MBNL2: variants seen among roughly 807,000 people sequenced by gnomAD.
MBNL2 encodes the protein muscleblind-like protein 2.
A neutral mutation model predicts 41.9 loss-of-function variants in MBNL2; 17 were observed. The observed-to-expected ratio is 0.41, with a 90% confidence interval of 0.28 to 0.61. The LOEUF is 0.61. Ranked by LOEUF, MBNL2 falls within the 20% of genes least tolerant of loss-of-function variation. The pLI, the probability that MBNL2 is intolerant of heterozygous loss-of-function variation, is 0.35. For synonymous variants in MBNL2, 195 were observed against 182.9 expected (o/e 1.07, Z -0.53); for missense variants, 336 against 505.6 (o/e 0.66, Z 3.22).
chr13:97,370,709 G>A (rs1331893289), intron 8 of MBNL2, among the ~76,000 whole-genome samples: 2 of 151,546 alleles, frequency 1.3e-5, no homozygotes, highest in Admixed American at 1.3e-4. Context: ...ACCATATAAT[G>A]GACCTTATTA....
At chr13:97,320,399 G>T (rs2059403437) in intron 2 of MBNL2, among the ~76,000 whole-genome samples, 1 of 151,872 alleles carries the variant, frequency 6.6e-6, no homozygotes, top group African/African-American at 2.4e-5. Context: ...TGGGACTACA[G>T]GTGTGTGTCA....
chr13:97,276,344 G>T lies in MBNL2; in HGVS notation c.109G>T (p.Ala37Ser). 6.2e-7 allele frequency: 1 copy of T among 1,614,004 alleles called. No homozygotes were observed. The highest frequency in any genetic ancestry group is 8.5e-7 in the Non-Finnish European group (1 of 1,179,912). Reference protein sequence around the residue: ...CSRSDEECKFAHPPKSCQVEN... With the variant: ...CSRSDEECKFSHPPKSCQVEN... The stretch of plus-strand genomic sequence containing the variant: ...ACGCTCTGATGAAGAATGCAAATTT[G>T]CTCATCCCCCCAAAAGTTGTCAGGT... The change falls in exon 2 of 9, where the codon GCT becomes TCT. Residue 37 changes from alanine (A) to serine (S), a missense_variant. Ala to Ser is a moderately conservative substitution (Grantham distance 99). Transcript: ENST00000679496.
At chr13:97,253,472 C>T (rs1223294244) in intron 1 of MBNL2, among the ~76,000 whole-genome samples, 2 of 152,096 alleles carry the variant, frequency 1.3e-5, no homozygotes, top group East Asian at 3.9e-4. Flanking sequence ...ATTATACGCT[C>T]CTGAGTTAAA....
chr13:97,167,403 GA>G, the MBNL2 span, among the ~76,000 whole-genome samples: 2 of 143,848 alleles, frequency 1.4e-5, no homozygotes, highest in African/African-American at 2.6e-5. Flanking sequence ...AAAAAAAAAA[GA>G]AAAAAAGTGT....
chr13:97,368,243 C>T (rs2064025910), intron 8 of MBNL2, among the ~76,000 whole-genome samples: 1 of 151,934 alleles, frequency 6.6e-6, no homozygotes, highest in Non-Finnish European at 1.5e-5. Context: ...AATCTGGTCT[C>T]TACAAAAATA....
the MBNL2 span, among the ~76,000 whole-genome samples, chr13:97,190,260 T>C: frequency 6.6e-6 from 1 of 152,216 alleles, no homozygotes; most frequent in South Asian, 2.1e-4. Context: ...TAAATAAATG[T>C]TTAAGAAGAA....
upstream of MBNL2, among the ~76,000 whole-genome samples, chr13:97,217,121 T>C (rs2040446949): frequency 6.7e-6 from 1 of 148,810 alleles, no homozygotes; most frequent in African/African-American, 2.4e-5. Context: ...AGTATGCATA[T>C]AATATATAGT....
the MBNL2 span, chr13:97,172,659 GAAAACTTAAT>G: frequency 6.6e-6 from 1 of 152,140 alleles, no homozygotes; most frequent in Non-Finnish European, 1.5e-5. Context: ...CTGTAAGAAT[GAAAACTTAAT>G]CACACTATTC....
At chr13:97,181,093 C>T in the MBNL2 span, among the ~76,000 whole-genome samples, 1 of 151,850 alleles carries the variant, frequency 6.6e-6, no homozygotes, top group Non-Finnish European at 1.5e-5. Context: ...CTCTCTCTCT[C>T]TCCCCCCCAC....
chr13:97,210,025 G>C, the MBNL2 span, among the ~76,000 whole-genome samples: 2 of 152,102 alleles, frequency 1.3e-5, no homozygotes, highest in African/African-American at 4.8e-5. Context: ...CAAACTCCTG[G>C]CCTCAGGTGA....
chr13:97,379,596 C>T (rs763535367), intron 8 of MBNL2, among the ~76,000 whole-genome samples: 1 of 138,870 alleles, frequency 7.2e-6, no homozygotes, highest in African/African-American at 2.7e-5. Flanking sequence ...AATGAGGAAG[C>T]AAACGGGGAT....
chr13:97,380,997 C>T (rs867575305), intron 8 of MBNL2, among the ~76,000 whole-genome samples: 123 of 152,078 alleles, frequency 8.1e-4, no homozygotes, highest in African/African-American at 2.7e-3. Flanking sequence ...AAATTCCCCT[C>T]CAGTACTCTT....
chr13:97,239,244 A>G (rs1465816849), intron 1 of MBNL2, among the ~76,000 whole-genome samples: 1 of 152,238 alleles, frequency 6.6e-6, no homozygotes, highest in Non-Finnish European at 1.5e-5. Flanking sequence ...ATGTGCCTAG[A>G]TAACTCTTCT....
the MBNL2 span, among the ~76,000 whole-genome samples, chr13:97,208,877 C>T: frequency 3.3e-5 from 5 of 152,260 alleles, no homozygotes; most frequent in African/African-American, 1.2e-4. Context: ...CTAAATAATG[C>T]TCTAGAGATT....
rs2063081350 is a variant in MBNL2, at chr13:97,357,372, T to C, written c.859-110T>C. ...TAAATTAAGGTGCATGGCAGAGGCA[T>C]CTCCTTAGCTGTCATTTTTAAAAAG... is the stretch of plus-strand genomic sequence containing the variant. On this transcript the variant is annotated intron_variant, in intron 6 of 8. Transcript: ENST00000679496. The C allele has an allele frequency of 1.6e-5, 14 of 865,164 alleles. 1 individual carries two copies. In the South Asian group the frequency reaches 1.8e-4, roughly 11 times the overall value. The allele number at this position is 865,164 out of a possible 1,614,324, so 53.6% of individuals were successfully genotyped here. A position where few individuals can be genotyped will look rare whatever the true frequency, so the allele number is the denominator to read the frequency against.
chr13:97,159,516 AT>A, the MBNL2 span, among the ~76,000 whole-genome samples: 3 of 151,590 alleles, frequency 2.0e-5, no homozygotes, highest in African/African-American at 7.3e-5. Flanking sequence ...TTTTGGCATG[AT>A]TTTGCAGTGG....
the MBNL2 span, among the ~76,000 whole-genome samples, chr13:97,175,788 T>G: frequency 1.1e-3 from 174 of 151,888 alleles, no homozygotes; most frequent in Non-Finnish European, 8.8e-4. Context: ...CTTATTTTGC[T>G]GCAGTTGAAA....
At chr13:97,252,805 A>T (rs1480378718) in intron 1 of MBNL2, among the ~76,000 whole-genome samples, 1 of 152,192 alleles carries the variant, frequency 6.6e-6, no homozygotes, top group East Asian at 1.9e-4. Context: ...CTATATAATC[A>T]TATCATCTGA....
At position 97,366,613 on chromosome 13, in the gene MBNL2, T is replaced by A. The variant is rs2153123439; in HGVS notation, c.1048+1442T>A. On this transcript the variant is annotated intron_variant, in intron 8 of 8. Coordinates refer to ENST00000679496, the MANE Select transcript of MBNL2 (RefSeq NM_001382683.1). This position sits in a 1 kb window ranked among gnomAD's most constrained non-coding sequence, Gnocchi z 4.7. ...CAAACTCTAAATGAGTGCTGATATT[T>A]AAAAAAAAAATTCTCGGTGAGAATT... is the stretch of plus-strand genomic sequence containing the variant. The A allele has an allele frequency of 9.1e-6, 9 of 993,916 alleles. No individual in the cohort carries two copies. Among genetic ancestry groups the A allele is most frequent in the Non-Finnish European group, 1.2e-5 (8 of 642,796 alleles). 61.6% of individuals were successfully genotyped at this position (993,916 alleles called of 1,614,324 possible).
Sources: gnomAD v4.1 joint callset for allele counts (sites outside exome capture counted in the v4.1 genomes callset) on GRCh38, gnomAD v4.1.1 for gene constraint, Gnocchi (gnomAD v3.1) non-coding constraint, MANE v1.5 for transcripts, NCBI Gene and HGNC (gene_info 2026-07-23, HGNC 2026-07-21) for gene names.